Variants in TXNDC9 observed in about 807,000 individuals in gnomAD.
TXNDC9 encodes the protein thioredoxin domain-containing protein 9.
Under a neutral mutation model 23.0 loss-of-function variants are expected in TXNDC9, and 7 were observed. The ratio of observed to expected loss-of-function variants is 0.30; its 90% CI spans 0.17 to 0.57. The LOEUF is 0.57. Ranked by LOEUF, TXNDC9 falls within the 20% of genes least tolerant of loss-of-function variation. The pLI is 0.90. For synonymous variants in TXNDC9, 72 were observed against 90.6 expected, an observed-to-expected ratio of 0.79 and a Z score of 1.17; for missense variants, 198 against 252.6, an observed-to-expected ratio of 0.78 and a Z score of 1.47.
intron 1 of TXNDC9, among the ~76,000 whole-genome samples, chr2:99,335,302 T>C (rs775515518): frequency 5.9e-5 from 9 of 152,212 alleles, no homozygotes; most frequent in Non-Finnish European, 1.2e-4. Flanking sequence ...AGAAATATTC[T>C]TGCAAACTTC....
At chr2:99,331,491 CAG>C (rs2094225326) in intron 2 of TXNDC9, among the ~76,000 whole-genome samples, 2 of 123,284 alleles carry the variant, frequency 1.6e-5, no homozygotes, top group Admixed American at 1.9e-4. Flanking sequence ...GGATGGGCAA[CAG>C]AGTGAGACTC....
intron 2 of TXNDC9, among the ~76,000 whole-genome samples, chr2:99,331,475 A>G (rs1187792125): frequency 6.6e-6 from 1 of 150,740 alleles, no homozygotes; most frequent in African/African-American, 2.4e-5. Flanking sequence ...TTGAGAGGTC[A>G]AGGCAGGATG....
the TXNDC9 span, among the ~76,000 whole-genome samples, chr2:99,311,176 C>G: frequency 5.9e-5 from 9 of 152,286 alleles, no homozygotes; most frequent in African/African-American, 2.2e-4. Context: ...CAGGTGTGTG[C>G]CACCACACTG....
At chr2:99,333,344 T>C (rs892988562) in intron 1 of TXNDC9, 102 bp from the exon 2 acceptor site, 1 of 904,588 alleles carries the variant, frequency 1.1e-6, no homozygotes, top group Admixed American at 3.0e-5. Flanking sequence ...ATGTGTACTC[T>C]ATGGAGTATT....
downstream of TXNDC9, among the ~76,000 whole-genome samples, chr2:99,318,450 A>AGGCGTGAG: frequency 6.6e-6 from 1 of 152,294 alleles, no homozygotes; most frequent in African/African-American, 2.4e-5. Flanking sequence ...CTGGGATTAT[A>AGGCGTGAG]GGCGTGAGGC....
chr2:99,316,809 T>G (rs946439706), downstream of TXNDC9, among the ~76,000 whole-genome samples: 3 of 152,140 alleles, frequency 2.0e-5, no homozygotes, highest in South Asian at 4.1e-4. Context: ...CAGGCTGGAG[T>G]GCAGTGGCGC....
chr2:99,310,497 A>C, the TXNDC9 span, among the ~76,000 whole-genome samples: 1 of 152,190 alleles, frequency 6.6e-6, no homozygotes, highest in African/African-American at 2.4e-5. Context: ...GCTGCTCATT[A>C]GAATGATTGG....
Position 99,319,216 on chromosome 2 carries a change from T to C in TXNDC9, c.*466A>G, listed in dbSNP as rs187548722. 6.5e-6 allele frequency: 1 copy of C among 152,934 alleles called. No homozygotes were observed. The highest frequency in any genetic ancestry group is 1.5e-5 in the Non-Finnish European group (1 of 68,598). 9.5% of individuals were successfully genotyped at this position (152,934 alleles called of 1,614,324 possible). ...GTTGATTCAACATCAACATGCAGTGTCCAGAATGAATAAGCAGTTCTTTAA... is the reference window on the plus strand; with the variant it reads ...GTTGATTCAACATCAACATGCAGTGCCCAGAATGAATAAGCAGTTCTTTAA... On this transcript the variant is annotated 3_prime_UTR_variant, in exon 5 of 5. Transcript: ENST00000264255.
chr2:99,333,970 C>T (rs1167458086), intron 1 of TXNDC9, among the ~76,000 whole-genome samples: 1 of 152,198 alleles, frequency 6.6e-6, no homozygotes, highest in East Asian at 1.9e-4. Context: ...CATCACTCCT[C>T]TGTGTAAAAT....
At chr2:99,309,040 A>C in the TXNDC9 span, among the ~76,000 whole-genome samples, 1 of 152,232 alleles carries the variant, frequency 6.6e-6, no homozygotes, top group East Asian at 1.9e-4. Context: ...AAAACATTAA[A>C]ACAAAAATTT....
chr2:99,307,219 T>TA, the TXNDC9 span, among the ~76,000 whole-genome samples: 1 of 151,044 alleles, frequency 6.6e-6, no homozygotes, highest in Non-Finnish European at 1.5e-5. Flanking sequence ...GTGTCAAAGT[T>TA]AAACTACAAC....
rs2094197003 is a variant in TXNDC9 at position 99,319,676 on chromosome 2, T to G, written c.*6A>C. 6.5e-7 allele frequency: 1 copy of G among 1,540,444 alleles called. No homozygotes were observed. The highest frequency in any genetic ancestry group is 2.3e-5 in the East Asian group (1 of 44,268). ...AAAAAGACAATTTACAAAGAATTAT[T>G]GAGCTCTAATCATCATCAGAGTCTG... On this transcript the variant is annotated 3_prime_UTR_variant, in exon 5 of 5. Coordinates refer to ENST00000264255, the MANE Select transcript of TXNDC9 (RefSeq NM_005783.4).
the TXNDC9 span, chr2:99,307,418 A>G: frequency 5.6e-5 from 8 of 142,900 alleles, no homozygotes; most frequent in African/African-American, 1.8e-4. Flanking sequence ...ACAAGAGAAC[A>G]GGACTCTATA....
At chr2:99,326,486 G>GC (rs1203715852) in intron 3 of TXNDC9, among the ~76,000 whole-genome samples, 1 of 152,166 alleles carries the variant, frequency 6.6e-6, no homozygotes, top group Admixed American at 6.5e-5. Flanking sequence ...TATGCTATTA[G>GC]CAAGTTTTCT....
the TXNDC9 span, among the ~76,000 whole-genome samples, chr2:99,311,031 CTT>C: frequency 2.7e-5 from 4 of 148,428 alleles, no homozygotes; most frequent in Non-Finnish European, 6.0e-5. Context: ...TAATTTGTGT[CTT>C]TTTTTTTTAA....
At chr2:99,335,524 A>G (rs2094236738) in intron 1 of TXNDC9, among the ~76,000 whole-genome samples, 1 of 151,230 alleles carries the variant, frequency 6.6e-6, no homozygotes, top group African/African-American at 2.4e-5. Context: ...TGAGTGCTAT[A>G]AAATTGGAAA....
chr2:99,335,915 G>C (rs1344074619), intron 1 of TXNDC9, among the ~76,000 whole-genome samples: 1 of 152,260 alleles, frequency 6.6e-6, no homozygotes, highest in African/African-American at 2.4e-5. Flanking sequence ...ACGGGACACA[G>C]CGCGTCCTCA....
At chr2:99,311,635 A>C in the TXNDC9 span, among the ~76,000 whole-genome samples, 1 of 151,378 alleles carries the variant, frequency 6.6e-6, no homozygotes, top group African/African-American at 2.4e-5. Context: ...GCCGTCCTCT[A>C]TCCTTGGCCT....
At chr2:99,316,917 C>T (rs536373001), downstream of TXNDC9, among the ~76,000 whole-genome samples, 440 of 152,208 alleles carry the variant, frequency 2.9e-3, 1 homozygote, top group African/African-American at 8.9e-3. Context: ...CCACCACGCC[C>T]GGCTAATTTT....
Sources: allele counts gnomAD v4.1 joint callset (sites outside exome capture counted in the v4.1 genomes callset), GRCh38; gene constraint gnomAD v4.1.1; transcripts MANE v1.5; gene names NCBI Gene and HGNC (gene_info 2026-07-23, HGNC 2026-07-21).